Variants in TBC1D5 observed in about 807,000 individuals in gnomAD.
The protein encoded by TBC1D5 is TBC1 domain family member 5.
In TBC1D5, 75 loss-of-function variants were observed where a neutral mutation model predicts 100.3. That is an observed-to-expected ratio of 0.75 (90% CI 0.62 to 0.91). The LOEUF (loss-of-function observed/expected upper bound fraction) is 0.91, where lower values mean the gene tolerates loss of function less well. Among genes scored for constraint, TBC1D5 ranks in the 40% least tolerant of loss-of-function variants. TBC1D5 has a pLI of 0.00. For synonymous variants in TBC1D5, 323 were observed against 325.6 expected, an observed-to-expected ratio of 0.99 and a Z score of 0.09; for missense variants, 910 against 942.4, an observed-to-expected ratio of 0.97 and a Z score of 0.45.
chr3:17,270,590 T>TA (rs1170874072), intron 15 of TBC1D5, among the ~76,000 whole-genome samples: 2 of 152,302 alleles, frequency 1.3e-5, no homozygotes, highest in African/African-American at 2.4e-5. Flanking sequence ...ACTCTGTTGA[T>TA]AGTTTCTTTT....
In TBC1D5 at chr3:17,352,683, C is replaced by CAAAAA. The variant is rs1363926293; in HGVS notation, c.995+19387_995+19391dup. Among the ~76,000 whole-genome samples, 119 of 94,904 alleles carry CAAAAA rather than the reference C, an allele frequency of 1.3e-3. 8 individuals are homozygous for CAAAAA. Among genetic ancestry groups the CAAAAA allele is most frequent in the African/African-American group, 1.7e-3 (43 of 25,032 alleles). The allele number at this position is 94,904 out of a possible 152,430, so 62.3% of individuals were successfully genotyped here. On this transcript the variant is annotated intron_variant, in intron 13 of 21. Coordinates refer to ENST00000253692, the Ensembl canonical transcript of TBC1D5. ...TCTAACTACAATACAAAGCAAAAGG[C>CAAAAA]AAAAAAAAAAAAAAAACAAAAAAAC...
At chr3:17,476,646 T>C (rs1042487628) in intron 3 of TBC1D5, among the ~76,000 whole-genome samples, 3 of 152,004 alleles carry the variant, frequency 2.0e-5, no homozygotes, top group Non-Finnish European at 2.9e-5. Context: ...TGTAAAAATT[T>C]TGACTGAAAA....
intron 3 of TBC1D5, among the ~76,000 whole-genome samples, chr3:17,485,157 A>G (rs1213877008): frequency 6.6e-6 from 1 of 152,128 alleles, no homozygotes; most frequent in East Asian, 1.9e-4. Context: ...TGGTACCGAA[A>G]TAAGGAATGG....
chr3:17,227,346 C>T (rs1429546710), intron 17 of TBC1D5, among the ~76,000 whole-genome samples: 2 of 151,972 alleles, frequency 1.3e-5, no homozygotes, highest in Non-Finnish European at 2.9e-5. Context: ...TCCCTGCCAT[C>T]AATATGTAAT....
intron 2 of TBC1D5, among the ~76,000 whole-genome samples, chr3:17,565,923 G>A (rs147210499): frequency 4.0e-5 from 6 of 151,770 alleles, no homozygotes; most frequent in African/African-American, 7.3e-5. Context: ...CTATACTGCC[G>A]TATCCTTCCT....
intron 13 of TBC1D5, among the ~76,000 whole-genome samples, chr3:17,337,942 T>C (rs2088203417): frequency 6.6e-6 from 1 of 152,180 alleles, no homozygotes; most frequent in Admixed American, 6.5e-5. Context: ...GCTGACTAAA[T>C]GAAATAATTG....
intron 9 of TBC1D5, among the ~76,000 whole-genome samples, chr3:17,378,671 T>C (rs2152123472): frequency 6.6e-6 from 1 of 151,904 alleles, no homozygotes; most frequent in South Asian, 2.1e-4. Flanking sequence ...ATTATACACT[T>C]TAGTCAATAC....
intron 13 of TBC1D5, among the ~76,000 whole-genome samples, chr3:17,369,846 T>C (rs1559737283): frequency 6.6e-6 from 1 of 152,092 alleles, no homozygotes. Flanking sequence ...TAAAATGTAA[T>C]AGAGGCCAGT....
chr3:17,682,663 G>A (rs1273858316), intron 1 of TBC1D5, among the ~76,000 whole-genome samples: 4 of 151,504 alleles, frequency 2.6e-5, no homozygotes, highest in South Asian at 4.1e-4. Context: ...GTTCATACCT[G>A]TTGTCGTTAC....
intron 3 of TBC1D5, among the ~76,000 whole-genome samples, chr3:17,481,250 G>A (rs1341387002): frequency 1.3e-5 from 2 of 152,222 alleles, no homozygotes; most frequent in African/African-American, 4.8e-5. Context: ...CAGCTGACGT[G>A]CCTGGCTGCG....
intron 1 of TBC1D5, among the ~76,000 whole-genome samples, chr3:17,665,338 C>T (rs1302902011): frequency 1.3e-5 from 2 of 152,160 alleles, no homozygotes; most frequent in Non-Finnish European, 1.5e-5. Context: ...CTCAGTGTCT[C>T]GCTCATATCT....
At chr3:17,517,429 G>A (rs548157950) in intron 2 of TBC1D5, among the ~76,000 whole-genome samples, 2 of 152,178 alleles carry the variant, frequency 1.3e-5, no homozygotes, top group South Asian at 4.1e-4. Context: ...GCAAGTAAAC[G>A]TTATTGTTAC....
At chr3:17,692,498 A>T (rs937640786) in intron 1 of TBC1D5, among the ~76,000 whole-genome samples, 3 of 152,216 alleles carry the variant, frequency 2.0e-5, no homozygotes, top group African/African-American at 7.2e-5. Flanking sequence ...ACAGAAAAAA[A>T]CTATGTAAGA....
At chr3:17,201,120 G>C (rs748463864) in intron 18 of TBC1D5, among the ~76,000 whole-genome samples, 1 of 151,960 alleles carries the variant, frequency 6.6e-6, no homozygotes, top group Non-Finnish European at 1.5e-5. Context: ...AAATTAGAAA[G>C]GTCCTGATTT....
chr3:17,686,552 A>C (rs985082912), intron 1 of TBC1D5, among the ~76,000 whole-genome samples: 2 of 152,136 alleles, frequency 1.3e-5, no homozygotes, highest in Admixed American at 6.6e-5. Flanking sequence ...TTTTTCAGTG[A>C]AGGAAACTGA....
intron 3 of TBC1D5, among the ~76,000 whole-genome samples, chr3:17,433,418 AT>A (rs1166228129): frequency 1.3e-5 from 2 of 152,232 alleles, no homozygotes; most frequent in Non-Finnish European, 2.9e-5. Context: ...GGAAACAAAC[AT>A]GCCCTACCTC....
intron 3 of TBC1D5, among the ~76,000 whole-genome samples, chr3:17,450,787 T>C (rs1383990114): frequency 6.6e-6 from 1 of 151,828 alleles, no homozygotes. Context: ...ATGGAGAGAA[T>C]GGAACCAAGT....
At chr3:17,334,499 G>C (rs1407254041) in intron 13 of TBC1D5, among the ~76,000 whole-genome samples, 3 of 152,116 alleles carry the variant, frequency 2.0e-5, no homozygotes, top group Admixed American at 6.5e-5. Context: ...GCAGTGCAAA[G>C]ATGGCTAAGT....
At chr3:17,636,234 G>A (rs968193626) in intron 1 of TBC1D5, among the ~76,000 whole-genome samples, 2 of 152,012 alleles carry the variant, frequency 1.3e-5, no homozygotes, top group Non-Finnish European at 2.9e-5. Flanking sequence ...CAGCATATAA[G>A]CATATTGATG....
Sources: allele counts gnomAD v4.1 joint callset (sites outside exome capture counted in the v4.1 genomes callset), GRCh38; gene constraint gnomAD v4.1.1; transcripts MANE v1.5; gene names NCBI Gene and HGNC (gene_info 2026-07-23, HGNC 2026-07-21).